SHISA9: variants seen among roughly 807,000 people sequenced by gnomAD.
The protein encoded by SHISA9 is shisa family member 9.
SHISA9 carries 13 observed loss-of-function variants against 38.0 expected under a neutral mutation model. The observed-to-expected ratio is 0.34, with a 90% CI of 0.22 to 0.54. SHISA9 has a LOEUF of 0.54. Among genes scored for constraint, SHISA9 ranks in the 20% least tolerant of loss-of-function variants. SHISA9 has a pLI of 0.91. For missense variants in SHISA9, 538 were observed against 575.8 expected (o/e 0.93, Z 0.67); for synonymous variants, 275 against 242.0 (o/e 1.14, Z -1.27).
chr16:13,365,317 A>G, the SHISA9 span, among the ~76,000 whole-genome samples: 5 of 152,144 alleles, frequency 3.3e-5, no homozygotes, highest in Admixed American at 2.0e-4. Context: ...AGGACCTACA[A>G]TGTAAGGAGG....
intron 2 of SHISA9, among the ~76,000 whole-genome samples, chr16:13,030,048 A>G (rs901882350): frequency 1.3e-5 from 2 of 152,254 alleles, no homozygotes; most frequent in Non-Finnish European, 2.9e-5. Flanking sequence ...AGTGTTTAGC[A>G]TAGTGCCTGG....
At chr16:13,403,836 T>C in the SHISA9 span, among the ~76,000 whole-genome samples, 1 of 152,268 alleles carries the variant, frequency 6.6e-6, no homozygotes, top group East Asian at 1.9e-4. Flanking sequence ...TGGCTATGGA[T>C]TCTTGGGCAA....
the SHISA9 span, among the ~76,000 whole-genome samples, chr16:13,250,373 T>C: frequency 3.9e-5 from 6 of 152,054 alleles, no homozygotes; most frequent in Non-Finnish European, 4.4e-5. Context: ...ATTAATTGCA[T>C]TGGGGGGAGA....
chr16:13,364,773 TTATAA>T, the SHISA9 span, among the ~76,000 whole-genome samples: 3 of 152,202 alleles, frequency 2.0e-5, no homozygotes, highest in Non-Finnish European at 4.4e-5. Context: ...TGAATGACAG[TTATAA>T]TAAAAGTATC....
At chr16:13,427,919 A>C in the SHISA9 span, among the ~76,000 whole-genome samples, 2 of 152,236 alleles carry the variant, frequency 1.3e-5, no homozygotes, top group African/African-American at 4.8e-5. Flanking sequence ...AGTGCTTGGC[A>C]CATTGCAGAT....
At chr16:13,369,095 C>G in the SHISA9 span, among the ~76,000 whole-genome samples, 1 of 152,070 alleles carries the variant, frequency 6.6e-6, no homozygotes, top group Non-Finnish European at 1.5e-5. Flanking sequence ...TTAGATAAAT[C>G]TTAAAATGTC....
chr16:13,067,086 G>A (rs1174929956), intron 2 of SHISA9, among the ~76,000 whole-genome samples: 1 of 152,200 alleles, frequency 6.6e-6, no homozygotes, highest in Non-Finnish European at 1.5e-5. Context: ...GAAGCTTTGA[G>A]GGACACAGGT....
At chr16:13,101,962 C>T (rs929419200) in intron 2 of SHISA9, among the ~76,000 whole-genome samples, 1 of 152,174 alleles carries the variant, frequency 6.6e-6, no homozygotes, top group East Asian at 1.9e-4. Context: ...TCTGGCCATG[C>T]CAGGCCTGAA....
intron 2 of SHISA9, among the ~76,000 whole-genome samples, chr16:13,124,528 T>C (rs2050240361): frequency 6.6e-6 from 1 of 152,132 alleles, no homozygotes; most frequent in Non-Finnish European, 1.5e-5. Flanking sequence ...TGGGCACACC[T>C]TGGACTCTGT....
chr16:13,171,946 G>T (rs963391036), intron 2 of SHISA9, among the ~76,000 whole-genome samples: 1 of 152,136 alleles, frequency 6.6e-6, no homozygotes, highest in Admixed American at 6.5e-5. Flanking sequence ...TAGTTTTACA[G>T]TAGCTATTAT....
chr16:13,506,595 C>G, the SHISA9 span, among the ~76,000 whole-genome samples: 1 of 152,100 alleles, frequency 6.6e-6, no homozygotes, highest in Non-Finnish European at 1.5e-5. Context: ...AATTCAAGTG[C>G]CTTCTGTTGA....
chr16:13,121,036 G>A (rs971328599), intron 2 of SHISA9, among the ~76,000 whole-genome samples: 8 of 152,042 alleles, frequency 5.3e-5, no homozygotes, highest in Admixed American at 4.6e-4. Flanking sequence ...TAGTGTCATA[G>A]GCGATTAAAA....
the SHISA9 span, among the ~76,000 whole-genome samples, chr16:13,417,739 A>G: frequency 6.6e-6 from 1 of 152,216 alleles, no homozygotes; most frequent in Non-Finnish European, 1.5e-5. Context: ...CTGGATGATG[A>G]GATCTATCCC....
chr16:13,222,643 T>A (rs1230782707), intron 4 of SHISA9, among the ~76,000 whole-genome samples: 1 of 152,112 alleles, frequency 6.6e-6, no homozygotes, highest in Non-Finnish European at 1.5e-5. Flanking sequence ...AAATCTGATC[T>A]GGGAGATAAG....
rs138041790 is a variant in SHISA9 at position 13,232,115 on chromosome 16, G to T, written c.896-2915G>T. 5.4e-3 allele frequency among the ~76,000 whole-genome samples: 829 copies of T among 152,322 alleles called. 5 individuals are homozygous for T. The highest frequency in any genetic ancestry group is 0.019 in the African/African-American group (792 of 41,556). On this transcript the variant is annotated intron_variant, in intron 4 of 4. Transcript: ENST00000558583. ...CTGCCCTGCTGGGGTGGACATTCTA[G>T]TAGGGAGGCAGGCATTCTTTAACCT...
At chr16:13,210,938 C>T (rs1365345906) in intron 3 of SHISA9, among the ~76,000 whole-genome samples, 1 of 152,126 alleles carries the variant, frequency 6.6e-6, no homozygotes, top group Non-Finnish European at 1.5e-5. Context: ...GCTGGGGAAG[C>T]CTATCCCCTG....
chr16:13,066,873 GA>G (rs2141917009), intron 2 of SHISA9, among the ~76,000 whole-genome samples: 1 of 152,292 alleles, frequency 6.6e-6, no homozygotes, highest in South Asian at 2.1e-4. Context: ...GGTTGCACTG[GA>G]TTCCAGGATC....
the SHISA9 span, among the ~76,000 whole-genome samples, chr16:13,359,984 C>A: frequency 6.6e-6 from 1 of 152,212 alleles, no homozygotes; most frequent in Admixed American, 6.5e-5. Context: ...ACTTGCATCA[C>A]AGCTGAGGGA....
chr16:12,916,791 A>G lies in SHISA9; in HGVS notation c.667A>G (p.Thr223Ala). 1.3e-6 allele frequency: 2 copies of G among 1,551,916 alleles called. No individual in the cohort carries two copies. Among genetic ancestry groups the G allele is most frequent in the South Asian group, 2.4e-5 (2 of 84,068 alleles). The change falls in exon 2 of 5, where the codon ACG (threonine) becomes GCG (alanine). Residue 223 changes from threonine (T) to alanine (A), a missense_variant. This residue lies in a region of SHISA9 where 326 missense variants were observed against 305.9 expected (regional missense o/e 1.07). Coordinates refer to ENST00000558583, the MANE Select transcript of SHISA9 (RefSeq NM_001145204.3). ...CGTCCAGCATTATGAGAACATGGAC[A>G]CGAGAACCCCCATAAATAATCTTCG... ...VHVQHYENMD[T>A]RTPINNLHAT...
Sources: allele counts gnomAD v4.1 joint callset (sites outside exome capture counted in the v4.1 genomes callset), GRCh38; gene constraint gnomAD v4.1.1; regional missense constraint gnomAD v4.1.1; transcripts MANE v1.5; gene names NCBI Gene and HGNC (gene_info 2026-07-23, HGNC 2026-07-21).